CWC27: variants seen among roughly 807,000 people sequenced by gnomAD.
CWC27 encodes the protein spliceosome-associated protein CWC27 homolog.
CWC27 carries 47 observed loss-of-function variants against 63.6 expected under a neutral mutation model. The ratio of observed to expected loss-of-function variants is 0.74; its 90% CI spans 0.58 to 0.94. The LOEUF is 0.94. Ranked by LOEUF, CWC27 falls within the 40% of genes least tolerant of loss-of-function variation. CWC27 has a pLI of 0.00. For missense variants in CWC27, 495 were observed against 554.3 expected (o/e 0.89, Z 1.07); for synonymous variants, 175 against 179.8 (o/e 0.97, Z 0.22).
intron 13 of CWC27, among the ~76,000 whole-genome samples, chr5:64,993,205 G>C (rs1749569965): frequency 6.6e-6 from 1 of 152,180 alleles, no homozygotes; most frequent in Non-Finnish European, 1.5e-5. Context: ...GTGAGAGAGG[G>C]AAGTGGGGGT....
In CWC27 at chr5:64,781,949, A is replaced by G; in HGVS notation, c.168A>G (p.Arg56=). Residue 56 remains arginine (R), a synonymous_variant, in exon 3 of 14, where the codon AGA becomes AGG. Coordinates refer to ENST00000381070, the MANE Select transcript of CWC27 (RefSeq NM_005869.4). ...EAYYDNTIFH[R]VVPGFIVQGG... is the part of the protein sequence containing the mutation. ...ATTATGACAATACCATTTTTCATAG[A>G]GTTGTGCCTGGTTTCATAGTCCAAG... 6.3e-7 allele frequency: 1 copy of G among 1,593,184 alleles called. No homozygotes were observed.
At chr5:64,913,997 G>A (rs1167814109) in intron 11 of CWC27, among the ~76,000 whole-genome samples, 3 of 152,078 alleles carry the variant, frequency 2.0e-5, no homozygotes, top group Non-Finnish European at 4.4e-5. Flanking sequence ...ATAGACACGT[G>A]ATATAGAATA....
In CWC27 at chr5:64,856,245, T is replaced by C. The variant is rs182975192; in HGVS notation, c.939-29198T>C. On this transcript the variant is annotated intron_variant, in intron 10 of 13. Transcript: ENST00000381070. The stretch of plus-strand genomic sequence containing the variant: ...ACAATTGTTTTTTAAAATACTTTTT[T>C]TAAATGGTAATACACTTATATTTTA... Among the ~76,000 whole-genome samples, 341 of 152,220 alleles carry C rather than the reference T, an allele frequency of 2.2e-3. 1 individual carries two copies. The highest frequency in any genetic ancestry group is 7.8e-3 in the African/African-American group (324 of 41,574).
At chr5:64,840,375 AAAAAAAAAAAAAAAAAAAAAT>A (rs1249984481) in intron 10 of CWC27, among the ~76,000 whole-genome samples, 5 of 60,122 alleles carry the variant, frequency 8.3e-5, no homozygotes, top group African/African-American at 3.0e-4. Context: ...AAAAAAAAAA[AAAAAAAAAAAAAAAAAAAAAT>A]ATATATATAT....
At chr5:64,849,903 C>T (rs2112295217) in intron 10 of CWC27, among the ~76,000 whole-genome samples, 1 of 152,294 alleles carries the variant, frequency 6.6e-6, no homozygotes, top group South Asian at 2.1e-4. Flanking sequence ...CCATCTGGAA[C>T]TGTGAGTCAA....
intron 2 of CWC27, 56 bp downstream of exon 2, chr5:64,774,843 A>T: frequency 2.0e-6 from 2 of 1,005,198 alleles, no homozygotes; most frequent in Non-Finnish European, 3.1e-6. Context: ...AATAAACTGC[A>T]GTGTCTGCTT....
intron 10 of CWC27, among the ~76,000 whole-genome samples, chr5:64,878,047 T>C (rs994242003): frequency 6.6e-6 from 1 of 151,984 alleles, no homozygotes; most frequent in African/African-American, 2.4e-5. Context: ...TTTACACTTA[T>C]AATTTTGATT....
At chr5:64,852,129 T>TTAGA (rs1166592897) in intron 10 of CWC27, among the ~76,000 whole-genome samples, 1 of 152,154 alleles carries the variant, frequency 6.6e-6, no homozygotes, top group African/African-American at 2.4e-5. Context: ...AGAAATGTTC[T>TTAGA]TAGAGAGGGA....
intron 10 of CWC27, among the ~76,000 whole-genome samples, chr5:64,880,218 T>C (rs1289270200): frequency 6.6e-6 from 1 of 152,004 alleles, no homozygotes; most frequent in Non-Finnish European, 1.5e-5. Context: ...CTGTTTTTAT[T>C]ATTGATGTAC....
intron 13 of CWC27, among the ~76,000 whole-genome samples, chr5:65,003,555 C>T (rs1452520150): frequency 6.6e-6 from 1 of 152,126 alleles, no homozygotes; most frequent in African/African-American, 2.4e-5. Context: ...TTCAGGTATA[C>T]GAGTCCCTTA....
chr5:64,895,886 A>G (rs1747361667), intron 11 of CWC27, among the ~76,000 whole-genome samples: 1 of 152,184 alleles, frequency 6.6e-6, no homozygotes, highest in African/African-American at 2.4e-5. Context: ...AACTCAGCCC[A>G]AAAACAGATT....
intron 10 of CWC27, among the ~76,000 whole-genome samples, chr5:64,838,409 G>T (rs61617562): frequency 0.35 from 53,521 of 151,976 alleles, 9,859 homozygotes; most frequent in East Asian, 0.51. Context: ...ACAATATACA[G>T]ATAGGGTTCC....
chr5:64,911,430 A>G (rs1175278390), intron 11 of CWC27, among the ~76,000 whole-genome samples: 4 of 152,358 alleles, frequency 2.6e-5, no homozygotes, highest in Admixed American at 2.6e-4. Flanking sequence ...GGCAGACCAC[A>G]TAATTTGGAC....
At chr5:64,857,477 C>T (rs1242166012) in intron 10 of CWC27, among the ~76,000 whole-genome samples, 1 of 152,208 alleles carries the variant, frequency 6.6e-6, no homozygotes, top group Non-Finnish European at 1.5e-5. Context: ...ATCGAGTAGG[C>T]ACCTATTCAA....
At chr5:64,787,154 C>T (rs780352596) in intron 6 of CWC27, among the ~76,000 whole-genome samples, 8 of 152,274 alleles carry the variant, frequency 5.3e-5, no homozygotes, top group Non-Finnish European at 1.2e-4. Flanking sequence ...TCCCATAAAA[C>T]ACATGGGGAT....
chr5:64,980,407 G>T (rs1307482965), intron 13 of CWC27, among the ~76,000 whole-genome samples: 1 of 152,114 alleles, frequency 6.6e-6, no homozygotes, highest in Non-Finnish European at 1.5e-5. Flanking sequence ...GATGAAGCTT[G>T]GTGAGCTCCC....
At chr5:65,010,199 T>C (rs2112473487) in intron 13 of CWC27, among the ~76,000 whole-genome samples, 1 of 152,062 alleles carries the variant, frequency 6.6e-6, no homozygotes, top group South Asian at 2.1e-4. Flanking sequence ...TAAACTGGGC[T>C]TTGAAAAAAA....
At position 64,881,939 on chromosome 5, in the gene CWC27, A is replaced by G. The variant is rs74383425; in HGVS notation, c.939-3504A>G. ...TTACTTACCAAATTGAAAGCTATAC[A>G]AAGTAGCATAATAAAAAGATAGGAA... On this transcript the variant is annotated intron_variant, in intron 10 of 13. Transcript: ENST00000381070. 1.5e-3 allele frequency among the ~76,000 whole-genome samples: 221 copies of G among 152,328 alleles called. 1 individual carries two copies. Among genetic ancestry groups the G allele is most frequent in the African/African-American group, 4.9e-3 (203 of 41,584 alleles).
chr5:65,002,460 T>G (rs918648827), intron 13 of CWC27, among the ~76,000 whole-genome samples: 5 of 152,192 alleles, frequency 3.3e-5, no homozygotes, highest in African/African-American at 1.2e-4. Context: ...CTGCTTTTCC[T>G]GTATTCCATA....
Sources: allele counts gnomAD v4.1 joint callset (sites outside exome capture counted in the v4.1 genomes callset), GRCh38; gene constraint gnomAD v4.1.1; transcripts MANE v1.5; gene names NCBI Gene and HGNC (gene_info 2026-07-23, HGNC 2026-07-21).